Variants in NPEPPS observed in about 807,000 individuals in gnomAD.
NPEPPS encodes aminopeptidase puromycin sensitive, also known as puromycin-sensitive aminopeptidase.
A neutral mutation model predicts 115.5 loss-of-function variants in NPEPPS; 14 were observed. The ratio of observed to expected loss-of-function variants is 0.12; its 90% CI spans 0.08 to 0.19. NPEPPS has a LOEUF of 0.19. NPEPPS is among the 10% of genes least tolerant of loss of function. NPEPPS has a pLI of 1.00. For synonymous variants in NPEPPS, 285 were observed against 390.6 expected (o/e 0.73, Z 3.19); for missense variants, 523 against 1,110.8 (o/e 0.47, Z 7.52).
At chr17:47,601,024 A>G (rs908604618) in intron 14 of NPEPPS, among the ~76,000 whole-genome samples, 2 of 152,014 alleles carry the variant, frequency 1.3e-5, no homozygotes, top group African/African-American at 4.8e-5. Context: ...GGAGTTTGAG[A>G]CCAGCCTGGC....
intron 19 of NPEPPS, among the ~76,000 whole-genome samples, chr17:47,615,813 T>G (rs956214479): frequency 6.6e-6 from 1 of 152,184 alleles, no homozygotes; most frequent in African/African-American, 2.4e-5. Context: ...ATTCAGAGTT[T>G]GCATTTATTT....
chr17:47,621,993 T>C lies in NPEPPS; in HGVS notation c.*73T>C. 6.9e-7 allele frequency: 1 copy of C among 1,440,904 alleles called. No homozygotes were observed. The highest frequency in any genetic ancestry group is 9.2e-7 in the Non-Finnish European group (1 of 1,084,710). The allele number at this position is 1,440,904 out of a possible 1,614,324, so 89.3% of individuals were successfully genotyped here. A position where few individuals can be genotyped will look rare whatever the true frequency, so the allele number is the denominator to read the frequency against. The stretch of plus-strand genomic sequence containing the variant: ...AAGGTGGAGCTACCGAACAGCTGAT[T>C]CATATGCCAAGAATTTGGAGTCTTC... On this transcript the variant is annotated 3_prime_UTR_variant, in exon 23 of 23. Coordinates refer to ENST00000322157, the MANE Select transcript of NPEPPS (RefSeq NM_006310.4).
intron 13 of NPEPPS, among the ~76,000 whole-genome samples, chr17:47,596,856 C>T (rs1251920877): frequency 4.6e-5 from 7 of 152,050 alleles, no homozygotes; most frequent in South Asian, 4.1e-4. Context: ...GAGGCCAGCC[C>T]GGCCAATGTA....
chr17:47,578,585 A>G (rs1911675998), intron 3 of NPEPPS, among the ~76,000 whole-genome samples: 1 of 152,180 alleles, frequency 6.6e-6, no homozygotes, highest in African/African-American at 2.4e-5. Flanking sequence ...TTTTTTGTCT[A>G]AATTGTTTTT....
chr17:47,578,018 A>G (rs924091760), intron 3 of NPEPPS, among the ~76,000 whole-genome samples: 6 of 152,182 alleles, frequency 3.9e-5, no homozygotes, highest in African/African-American at 1.4e-4. Flanking sequence ...CCAGCTGGCC[A>G]ACATGGCAAA....
At chr17:47,524,585 C>T (rs975712413) in intron 1 of NPEPPS, among the ~76,000 whole-genome samples, 1 of 151,816 alleles carries the variant, frequency 6.6e-6, no homozygotes, top group Non-Finnish European at 1.5e-5. Context: ...AGCTCTGCCT[C>T]CCGGGTTCAC....
intron 1 of NPEPPS, among the ~76,000 whole-genome samples, chr17:47,540,431 A>C (rs1029185456): frequency 6.6e-6 from 1 of 152,214 alleles, no homozygotes; most frequent in African/African-American, 2.4e-5. Context: ...ATATTTACTA[A>C]CATGAAGGTG....
chr17:47,615,073 CTTTTTTTT>C (rs60829784), intron 19 of NPEPPS, among the ~76,000 whole-genome samples: 138 of 122,432 alleles, frequency 1.1e-3, no homozygotes, highest in Middle Eastern at 4.6e-3. Flanking sequence ...TACTTTCTTT[CTTTTTTTT>C]TTTTTTTTTT....
chr17:47,586,122 T>C, intron 6 of NPEPPS, 26 bp from the exon 7 acceptor site: 1 of 569,358 alleles, frequency 1.8e-6, no homozygotes, highest in Non-Finnish European at 2.9e-6. Context: ...ATTTATTAGA[T>C]GGTTATTTTG....
chr17:47,533,131 CAGAAT>C (rs556500581), intron 1 of NPEPPS, among the ~76,000 whole-genome samples: 489 of 152,164 alleles, frequency 3.2e-3, no homozygotes, highest in African/African-American at 0.011. Flanking sequence ...TCTAAAAGTA[CAGAAT>C]TTAAAAGTAT....
At chr17:47,613,292 G>C (rs1913994404) in intron 18 of NPEPPS, among the ~76,000 whole-genome samples, 1 of 129,798 alleles carries the variant, frequency 7.7e-6, no homozygotes, top group East Asian at 2.2e-4. Flanking sequence ...CTGAGACGGA[G>C]TCTCACTCTG....
intron 4 of NPEPPS, chr17:47,581,535 T>G (rs187978280): frequency 2.6e-5 from 4 of 152,376 alleles, no homozygotes; most frequent in Admixed American, 2.6e-4. Flanking sequence ...ATTTCTCTGC[T>G]GCTGCTTCTA....
intron 16 of NPEPPS, among the ~76,000 whole-genome samples, chr17:47,604,906 G>A (rs761014940): frequency 6.6e-6 from 1 of 152,282 alleles, no homozygotes; most frequent in South Asian, 2.1e-4. Context: ...TTGCAGGTCC[G>A]GCTTTGAAAG....
chr17:47,583,002 TTTTC>T (rs1190539953), intron 5 of NPEPPS, among the ~76,000 whole-genome samples, 153 bp downstream of exon 5: 2 of 151,322 alleles, frequency 1.3e-5, no homozygotes, highest in African/African-American at 2.4e-5. Context: ...ATAAGCCTCT[TTTTC>T]TTTCTTTTTT....
intron 1 of NPEPPS, among the ~76,000 whole-genome samples, chr17:47,544,352 A>G (rs1351200486): frequency 6.6e-6 from 1 of 152,132 alleles, no homozygotes; most frequent in East Asian, 1.9e-4. Context: ...GAGTTATTGT[A>G]TAAAGTTTTG....
At chr17:47,545,099 G>C (rs1055201561) in intron 1 of NPEPPS, among the ~76,000 whole-genome samples, 2 of 151,910 alleles carry the variant, frequency 1.3e-5, no homozygotes, top group African/African-American at 2.4e-5. Flanking sequence ...TGACCTCCTG[G>C]GCTTAAGGGA....
chr17:47,531,249 C>T lies in NPEPPS; in HGVS notation c.-52C>T, dbSNP rs888284476. The T allele has an allele frequency of 3.3e-4, 489 of 1,482,522 alleles. No homozygotes were observed. The highest frequency in any genetic ancestry group is 4.3e-4 in the Non-Finnish European group (475 of 1,116,398). 91.8% of individuals were successfully genotyped at this position (1,482,522 alleles called of 1,614,324 possible). A position where few individuals can be genotyped will look rare whatever the true frequency, so the allele number is the denominator to read the frequency against. ...GCGCTCCGGCTGGGTCTCTCCCCCG[C>T]CCCCCAGGCTCCCCCGGTCGCTCTC... is the stretch of plus-strand genomic sequence containing the variant. On this transcript the variant is annotated 5_prime_UTR_variant, in exon 1 of 23. Transcript: ENST00000322157.
Position 47,561,140 on chromosome 17 carries a change from T to TA in NPEPPS, c.341-8275dup, listed in dbSNP as rs1308764371. Among the ~76,000 whole-genome samples, 5 of 152,310 alleles carry TA rather than the reference T, an allele frequency of 3.3e-5. No individual in the cohort carries two copies. The East Asian group carries it at 9.6e-4, about 29-fold the overall frequency. ...ATTTTTAAAAATTTCAATCTTTTTT[T>TA]AATGTGGCCTCAGAATACCATCTTG... On this transcript the variant is annotated intron_variant, in intron 2 of 22. Transcript: ENST00000322157.
At chr17:47,582,102 T>A (rs1243583870) in intron 4 of NPEPPS, 1 of 152,624 alleles carries the variant, frequency 6.6e-6, no homozygotes, top group Non-Finnish European at 1.5e-5. Flanking sequence ...ACTGATACCC[T>A]GCAGAACCCC....
Sources: allele counts gnomAD v4.1 joint callset (sites outside exome capture counted in the v4.1 genomes callset), GRCh38; gene constraint gnomAD v4.1.1; transcripts MANE v1.5; gene names NCBI Gene and HGNC (gene_info 2026-07-23, HGNC 2026-07-21).